The following CRYBG1 variants were observed in gnomAD, a reference collection of about 807,000 sequenced individuals.
CRYBG1 encodes crystallin beta-gamma domain containing 1.
CRYBG1 carries 139 observed loss-of-function variants against 189.2 expected under a neutral mutation model. That is an observed-to-expected ratio of 0.73 (90% CI 0.64 to 0.85). CRYBG1 has a LOEUF of 0.85. Among genes scored for constraint, CRYBG1 ranks in the 40% least tolerant of loss-of-function variants. The pLI is 0.00. For synonymous variants in CRYBG1, 1,023 were observed against 1,017.1 expected (o/e 1.01, Z -0.11); for missense variants, 2,611 against 2,675.8 (o/e 0.98, Z 0.53).
intron 1 of CRYBG1, among the ~76,000 whole-genome samples, chr6:106,361,975 T>TCTTTCTTTCTTTC (rs373178193): frequency 1.2e-3 from 161 of 129,362 alleles, no homozygotes; most frequent in Middle Eastern, 7.8e-3. Flanking sequence ...CTTTCTTTTT[T>TCTTTCTTTCTTTC]TTTTTTTTTT....
chr6:106,413,112 T>C (rs1770959768), intron 1 of CRYBG1, among the ~76,000 whole-genome samples: 1 of 152,142 alleles, frequency 6.6e-6, no homozygotes, highest in Non-Finnish European at 1.5e-5. Flanking sequence ...TGTCATGAAG[T>C]GGCCTCCTCA....
At chr6:106,401,855 C>T (rs1307960957) in intron 1 of CRYBG1, among the ~76,000 whole-genome samples, 33 of 149,122 alleles carry the variant, frequency 2.2e-4, no homozygotes, top group African/African-American at 7.2e-4. Flanking sequence ...TGAATAGTGC[C>T]GCAATAAACA....
chr6:106,422,082 T>C (rs78931566), intron 1 of CRYBG1, among the ~76,000 whole-genome samples: 2,974 of 152,170 alleles, frequency 0.02, 90 homozygotes, highest in African/African-American at 0.068. Context: ...CCATATAAAC[T>C]CCAGATTCAG....
At chr6:106,436,295 CTTTTTTTTT>C (rs56333625) in intron 1 of CRYBG1, among the ~76,000 whole-genome samples, 9 of 139,742 alleles carry the variant, frequency 6.4e-5, no homozygotes, top group Non-Finnish European at 1.6e-5. Context: ...CATGCAATCT[CTTTTTTTTT>C]TTTTTTTTTT....
At chr6:106,496,090 A>T (rs1422549196) in intron 2 of CRYBG1, among the ~76,000 whole-genome samples, 1 of 152,198 alleles carries the variant, frequency 6.6e-6, no homozygotes. Flanking sequence ...TGTATTGCAC[A>T]TACTTTCCCC....
intron 1 of CRYBG1, among the ~76,000 whole-genome samples, chr6:106,432,844 T>C (rs34158671): frequency 2.0e-4 from 28 of 136,968 alleles, no homozygotes; most frequent in African/African-American, 7.5e-4. Flanking sequence ...TTCTTTCTTT[T>C]TTTTTTTTTT....
At chr6:106,367,960 G>A (rs1040771318) in intron 1 of CRYBG1, among the ~76,000 whole-genome samples, 8 of 152,018 alleles carry the variant, frequency 5.3e-5, no homozygotes, top group Admixed American at 2.0e-4. Context: ...TAAAATAATC[G>A]TAATAATAAA....
In CRYBG1 at chr6:106,554,517, C is replaced by T. The variant is rs1774488118; in HGVS notation, c.5585+950C>T. 1.3e-5 allele frequency among the ~76,000 whole-genome samples: 2 copies of T among 151,806 alleles called. 1 individual carries two copies. The highest frequency in any genetic ancestry group is 1.3e-4 in the Admixed American group (2 of 15,254). ...ATCCCAGCTACTTGGGAGGCTGAGG[C>T]AGGAGAATTGCGTGAACCCAGGAGG... is the stretch of plus-strand genomic sequence containing the variant. On this transcript the variant is annotated intron_variant, in intron 16 of 21. Transcript: ENST00000633556.
intron 1 of CRYBG1, among the ~76,000 whole-genome samples, chr6:106,374,576 T>C (rs893733291): frequency 6.6e-6 from 1 of 151,784 alleles, no homozygotes; most frequent in Non-Finnish European, 1.5e-5. Flanking sequence ...ACAAATATGC[T>C]CAAGACAGAG....
At chr6:106,455,199 C>T (rs1771861070) in intron 2 of CRYBG1, among the ~76,000 whole-genome samples, 1 of 151,930 alleles carries the variant, frequency 6.6e-6, no homozygotes, top group African/African-American at 2.4e-5. Context: ...ATTTATATTT[C>T]TAACAGACCA....
At chr6:106,396,300 A>G (rs1288322359) in intron 1 of CRYBG1, among the ~76,000 whole-genome samples, 3 of 152,224 alleles carry the variant, frequency 2.0e-5, no homozygotes, top group African/African-American at 7.2e-5. Context: ...CATCCTTTCC[A>G]AATAGAATTT....
chr6:106,439,477 T>C (rs1318536028), intron 1 of CRYBG1, among the ~76,000 whole-genome samples: 2 of 152,224 alleles, frequency 1.3e-5, no homozygotes, highest in Admixed American at 1.3e-4. Flanking sequence ...TGTTAGATTG[T>C]GCCCAATTTT....
intron 18 of CRYBG1, among the ~76,000 whole-genome samples, chr6:106,559,113 TATTTC>T (rs1481328649): frequency 1.3e-5 from 2 of 152,246 alleles, no homozygotes; most frequent in East Asian, 3.8e-4. Context: ...AAGCATCTTT[TATTTC>T]ATTATCCAGA....
At chr6:106,482,552 A>G (rs574292113) in intron 2 of CRYBG1, among the ~76,000 whole-genome samples, 75 of 152,128 alleles carry the variant, frequency 4.9e-4, no homozygotes, top group Middle Eastern at 3.4e-3. Flanking sequence ...GAGGGGGGTG[A>G]ATCACAAGGT....
At chr6:106,473,271 C>T (rs1176583609) in intron 2 of CRYBG1, among the ~76,000 whole-genome samples, 1 of 152,150 alleles carries the variant, frequency 6.6e-6, no homozygotes, top group African/African-American at 2.4e-5. Context: ...CCACATCATC[C>T]AGTTTCAACA....
intron 13 of CRYBG1, among the ~76,000 whole-genome samples, chr6:106,548,927 T>A (rs1397344528): frequency 8.0e-6 from 1 of 125,744 alleles, no homozygotes; most frequent in Non-Finnish European, 1.6e-5. Flanking sequence ...CGGTGTGTGA[T>A]GTTCCCCTTC....
At chr6:106,511,175 C>T (rs1373158454) in intron 2 of CRYBG1, among the ~76,000 whole-genome samples, 1 of 152,116 alleles carries the variant, frequency 6.6e-6, no homozygotes, top group Non-Finnish European at 1.5e-5. Context: ...TCAAATTTTC[C>T]TTTAAAAAAC....
Position 106,520,321 on chromosome 6 carries a change from T to C in CRYBG1, c.3113T>C (p.Leu1038Pro). Residue 1038 changes from leucine to proline, a missense_variant, in exon 4 of 22, where the codon CTG (leucine) becomes CCG (proline). This residue lies in a region of CRYBG1 where 1,622 missense variants were observed against 1,735.0 expected (regional missense o/e 0.93). Coordinates refer to ENST00000633556, the MANE Select transcript of CRYBG1 (RefSeq NM_001371242.2). ...ATACCGCCAGCATCAGAGAAAACTC[T>C]GCCTATTCAGGCTCAAAGTCAGGGC... ...QVIPPASEKT[L>P]PIQAQSQGSR... The C allele has an allele frequency of 6.2e-7, 1 of 1,614,156 alleles. No homozygotes were observed. Among genetic ancestry groups the C allele is most frequent in the Non-Finnish European group, 8.5e-7 (1 of 1,180,036 alleles).
chr6:106,539,653 T>TAGAA, intron 9 of CRYBG1, 124 bp downstream of exon 9: 1 of 1,028,130 alleles, frequency 9.7e-7, no homozygotes, highest in East Asian at 2.7e-5. Context: ...AGATTGGACC[T>TAGAA]ATTGCTCAAT....
Sources: gnomAD v4.1 joint callset for allele counts (sites outside exome capture counted in the v4.1 genomes callset) on GRCh38, gnomAD v4.1.1 for gene constraint, gnomAD v4.1.1 regional missense constraint, MANE v1.5 for transcripts, NCBI Gene and HGNC (gene_info 2026-07-23, HGNC 2026-07-21) for gene names.